Variants in SLC4A4 observed in about 807,000 individuals in gnomAD.
The protein encoded by SLC4A4 is solute carrier family 4 member 4, also known as electrogenic sodium bicarbonate cotransporter 1.
SLC4A4 carries 27 observed loss-of-function variants against 111.5 expected under a neutral mutation model. That is an observed-to-expected ratio of 0.24 (90% CI 0.18 to 0.33). The LOEUF (loss-of-function observed/expected upper bound fraction) is 0.33, where lower values mean the gene tolerates loss of function less well. Among genes scored for constraint, SLC4A4 ranks in the 10% least tolerant of loss-of-function variants. The pLI is 1.00. For synonymous variants in SLC4A4, 443 were observed against 463.4 expected (o/e 0.96, Z 0.57); for missense variants, 909 against 1,315.5 (o/e 0.69, Z 4.78).
At position 71,448,079 on chromosome 4, in the gene SLC4A4, A is replaced by G. The variant is rs570069814; in HGVS notation, c.1053+346A>G. ...TCACGCCTGTAATCCCAGCACTTTG[A>G]GAGGTCGAGGTGGGCAGATCACCTG... is the stretch of plus-strand genomic sequence containing the variant. On this transcript the variant is annotated intron_variant, in intron 9 of 25. Coordinates refer to ENST00000264485, the MANE Select transcript of SLC4A4 (RefSeq NM_001098484.3). Among the ~76,000 whole-genome samples the G allele has an allele frequency of 5.3e-5, 8 of 152,154 alleles. No individual in the cohort carries two copies. In the South Asian group the frequency reaches 1.5e-3, roughly 28 times the overall value.
intron 18 of SLC4A4, among the ~76,000 whole-genome samples, chr4:71,542,742 C>A (rs948391613): frequency 1.3e-5 from 2 of 152,072 alleles, no homozygotes; most frequent in Non-Finnish European, 2.9e-5. Context: ...GAATTCACCC[C>A]TACTGTAGGC....
chr4:71,120,624 T>C (rs1330267322), intron 2 of SLC4A4, among the ~76,000 whole-genome samples: 1 of 152,158 alleles, frequency 6.6e-6, no homozygotes, highest in Non-Finnish European at 1.5e-5. Context: ...TCCCAGCACT[T>C]TGGGAGGCCG....
intron 16 of SLC4A4, among the ~76,000 whole-genome samples, chr4:71,518,578 G>T (rs1732626657): frequency 6.6e-6 from 1 of 152,280 alleles, no homozygotes; most frequent in South Asian, 2.1e-4. Flanking sequence ...GACAGGCCTG[G>T]AGCCTGTATT....
In SLC4A4 at chr4:71,292,813, G is replaced by T. The variant is rs117273476; in HGVS notation, c.253+37414G>T. 1.9e-3 allele frequency among the ~76,000 whole-genome samples: 280 copies of T among 150,252 alleles called. 10 individuals carry two copies. In the East Asian group the frequency reaches 0.046, roughly 25 times the overall value. On this transcript the variant is annotated intron_variant, in intron 3 of 25. Transcript: ENST00000264485. ...CATCGAATAGTTATGATCACATAGT[G>T]TGAGTATGTCTTACTTTTGGTTTTT...
intron 2 of SLC4A4, among the ~76,000 whole-genome samples, chr4:71,164,688 C>T (rs567249445): frequency 1.3e-5 from 2 of 151,936 alleles, no homozygotes; most frequent in African/African-American, 4.8e-5. Flanking sequence ...GCAACAAAAG[C>T]CAAAATTGAC....
chr4:71,531,714 G>T (rs970055340), intron 16 of SLC4A4, among the ~76,000 whole-genome samples: 1 of 147,896 alleles, frequency 6.8e-6, no homozygotes, highest in African/African-American at 2.5e-5. Context: ...AGTTTATACA[G>T]TATCTCAGGG....
At position 71,479,981 on chromosome 4, in the gene SLC4A4, AG is replaced by A. The variant is rs537081508; in HGVS notation, c.1904-6966del. Among the ~76,000 whole-genome samples, 258 of 151,398 alleles carry A rather than the reference AG, an allele frequency of 1.7e-3. 1 individual carries two copies. The highest frequency in any genetic ancestry group is 6.0e-3 in the African/African-American group (246 of 41,340). On this transcript the variant is annotated intron_variant, in intron 14 of 25. Coordinates refer to ENST00000264485, the MANE Select transcript of SLC4A4 (RefSeq NM_001098484.3). ...AGATGTAATGATGGGTGGGTATGAA[AG>A]AGAAGTTTTTGTGAAATTGGGGACA... is the stretch of plus-strand genomic sequence containing the variant.
At chr4:71,228,387 A>G (rs1719183745) in intron 1 of SLC4A4, among the ~76,000 whole-genome samples, 1 of 152,228 alleles carries the variant, frequency 6.6e-6, no homozygotes, top group Non-Finnish European at 1.5e-5. Flanking sequence ...AGACAGAATC[A>G]TGACCTCTGG....
In SLC4A4 at chr4:71,197,351, T is replaced by G. The variant is rs529344727; in HGVS notation, c.-2+9950T>G. ...AGTTTGGAACCCATATCTTTGGGGA[T>G]GAGTCTTTGTTATTATGGTTTGTGA... On this transcript the variant is annotated intron_variant, in intron 1 of 25. Coordinates refer to ENST00000264485, the MANE Select transcript of SLC4A4 (RefSeq NM_001098484.3). 2.6e-3 allele frequency among the ~76,000 whole-genome samples: 401 copies of G among 152,356 alleles called. 1 individual carries two copies. The highest frequency in any genetic ancestry group is 2.9e-3 in the Non-Finnish European group (196 of 68,042).
intron 3 of SLC4A4, among the ~76,000 whole-genome samples, chr4:71,322,796 T>C (rs188538746): frequency 1.3e-5 from 2 of 152,140 alleles, no homozygotes; most frequent in Admixed American, 1.3e-4. Flanking sequence ...TGGGTAGCCA[T>C]ATTCTTTACC....
intron 1 of SLC4A4, among the ~76,000 whole-genome samples, chr4:71,073,494 G>T (rs908523434): frequency 1.3e-5 from 2 of 152,112 alleles, no homozygotes; most frequent in Non-Finnish European, 2.9e-5. Flanking sequence ...CAAGTATTCT[G>T]TTCAAATGTA....
At chr4:71,192,638 C>G (rs939922921) in intron 1 of SLC4A4, among the ~76,000 whole-genome samples, 1 of 152,124 alleles carries the variant, frequency 6.6e-6, no homozygotes, top group East Asian at 1.9e-4. Context: ...CCCCTTCTCC[C>G]TCCCCCACTT....
At chr4:71,413,915 C>G (rs1280365170) in intron 7 of SLC4A4, among the ~76,000 whole-genome samples, 1 of 152,066 alleles carries the variant, frequency 6.6e-6, no homozygotes, top group Non-Finnish European at 1.5e-5. Context: ...CTTAGGAAGC[C>G]CAAATTTCCC....
chr4:71,556,865 A>G (rs747459289), intron 21 of SLC4A4, among the ~76,000 whole-genome samples: 22 of 151,966 alleles, frequency 1.4e-4, no homozygotes, highest in Non-Finnish European at 2.9e-4. Flanking sequence ...TAGAGATATT[A>G]TTTCAGAGTT....
Position 71,560,235 on chromosome 4 carries a change from T to A in SLC4A4, c.3080T>A (p.Leu1027Gln), listed in dbSNP as rs1300732605. The A allele has an allele frequency of 6.2e-7, 1 of 1,609,010 alleles. No individual in the cohort carries two copies. The highest frequency in any genetic ancestry group is 8.5e-7 in the Non-Finnish European group (1 of 1,177,092). ...AAAAAGAAAAAGAAGAAGGGAAGTC[T>A]GGACAGTGACAATGATGATGTAAGG... The part of the protein sequence containing the change: ...EKKKKKKKGS[L>Q]DSDNDDSDCP... The change falls in exon 23 of 26, where the codon CTG (leucine) becomes CAG (glutamine). Residue 1027 changes from leucine to glutamine, a missense_variant. Leu to Gln is a moderately radical substitution (Grantham distance 113). Transcript: ENST00000264485.
At position 71,165,127 on chromosome 4, in the gene SLC4A4, T is replaced by C. The variant is rs532964947; in HGVS notation, c.-1-71449T>C. On this transcript the variant is annotated intron_variant, in intron 2 of 26. Coordinates refer to the SLC4A4 transcript ENST00000649996. ...GTGGGAGTGTAAATTAGTTCAACCA[T>C]TGTGGAAGACAGTGTGGAGATTCCT... is the stretch of plus-strand genomic sequence containing the variant. Among the ~76,000 whole-genome samples, 56 of 45,254 alleles carry C rather than the reference T, an allele frequency of 1.2e-3. No individual in the cohort carries two copies. The South Asian group carries it at 0.034, about 28-fold the overall frequency. 29.7% of individuals were successfully genotyped at this position (45,254 alleles called of 152,430 possible).
At chr4:71,191,500 T>C (rs1334162717) in intron 1 of SLC4A4, among the ~76,000 whole-genome samples, 1 of 152,244 alleles carries the variant, frequency 6.6e-6, no homozygotes, top group Non-Finnish European at 1.5e-5. Context: ...TGGTGATACA[T>C]GTTTGTCGAA....
At chr4:71,544,642 A>G (rs1735347505) in intron 18 of SLC4A4, among the ~76,000 whole-genome samples, 1 of 152,016 alleles carries the variant, frequency 6.6e-6, no homozygotes, top group Non-Finnish European at 1.5e-5. Context: ...TAGTCTTACT[A>G]TCTTTTCCCT....
intron 2 of SLC4A4, 134 bp downstream of exon 2, chr4:71,236,783 C>T: frequency 1.3e-6 from 1 of 754,358 alleles, no homozygotes; most frequent in Non-Finnish European, 2.2e-6. Context: ...TCATCAATCT[C>T]TACATTTGCT....
Sources: gnomAD v4.1 joint callset for allele counts (sites outside exome capture counted in the v4.1 genomes callset) on GRCh38, gnomAD v4.1.1 for gene constraint, MANE v1.5 for transcripts, NCBI Gene and HGNC (gene_info 2026-07-23, HGNC 2026-07-21) for gene names.